Variants in TUT1 observed in about 807,000 individuals in gnomAD.
TUT1 encodes the protein speckle targeted PIP5K1A-regulated poly(A) polymerase.
A neutral mutation model predicts 48.8 loss-of-function variants in TUT1; 26 were observed. That is an observed-to-expected ratio of 0.53 (90% CI 0.39 to 0.74). TUT1 has a LOEUF of 0.74. Ranked by LOEUF, TUT1 falls within the 30% of genes least tolerant of loss-of-function variation. TUT1 has a pLI of 0.00. For synonymous variants in TUT1, 470 were observed against 460.8 expected (o/e 1.02, Z -0.26); for missense variants, 1,065 against 1,114.8 (o/e 0.96, Z 0.64).
rs2134305462 is a variant in TUT1, at chr11:62,578,576, A to G, written c.1145T>C (p.Val382Ala). 6.2e-7 allele frequency: 1 copy of G among 1,601,074 alleles called. No homozygotes were observed. Among genetic ancestry groups the G allele is most frequent in the East Asian group, 2.2e-5 (1 of 44,670 alleles). Residue 382 changes from valine (V) to alanine (A), a missense_variant, in exon 5 of 9, where the codon GTC becomes GCC. Coordinates refer to ENST00000476907, the MANE Select transcript of TUT1 (RefSeq NM_022830.3). ...AGAAAGGTACCGGTTACTGAGGGAG[A>G]CATCACCGTGGAGACCTGAAGGCCG... Reference protein sequence around the residue: ...CHRPSGLHGDVSLSNRLALHN... With the variant: ...CHRPSGLHGDASLSNRLALHN...
At position 62,578,886 on chromosome 11, in the gene TUT1, C is replaced by G; in HGVS notation, c.835G>C (p.Glu279Gln). ...SPQDSEALDF[E>Q]TPSSSLAPQT... Reference sequence around the variant, plus strand: ...GGCGCCAGGGAGGAGGAAGGGGTTTCAAAGTCCAGGGCTTCAGAATCCTGG... The same window carrying G: ...GGCGCCAGGGAGGAGGAAGGGGTTTGAAAGTCCAGGGCTTCAGAATCCTGG... The change falls in exon 5 of 9, where the codon GAA (glutamate) becomes CAA (glutamine). Residue 279 changes from glutamate (E) to glutamine (Q), a missense_variant. Transcript: ENST00000476907. 6.2e-7 allele frequency: 1 copy of G among 1,607,464 alleles called. No individual in the cohort carries two copies. Among genetic ancestry groups the G allele is most frequent in the Non-Finnish European group, 8.5e-7 (1 of 1,176,416 alleles).
intron 5 of TUT1, 37 bp from the exon 6 acceptor site, chr11:62,577,328 G>A: frequency 6.4e-7 from 1 of 1,551,182 alleles, no homozygotes; most frequent in South Asian, 1.1e-5. Flanking sequence ...TAGCGCTTGG[G>A]GATGTCAGAA....
At chr11:62,582,233 A>G (rs1468324127) in intron 2 of TUT1, among the ~76,000 whole-genome samples, 2 of 152,004 alleles carry the variant, frequency 1.3e-5, no homozygotes, top group African/African-American at 4.8e-5. Flanking sequence ...TCGGCCTCCT[A>G]AAGTGCTGGG....
intron 2 of TUT1, among the ~76,000 whole-genome samples, chr11:62,583,389 C>T (rs1160803775): frequency 2.0e-5 from 3 of 152,058 alleles, no homozygotes; most frequent in Non-Finnish European, 4.4e-5. Context: ...GCGGGTGGAT[C>T]ACTTGAGGTC....
At position 62,575,994 on chromosome 11, in the gene TUT1, T is replaced by A; in HGVS notation, c.1725A>T (p.Arg575=). 6.2e-7 allele frequency: 1 copy of A among 1,613,892 alleles called. No homozygotes were observed. Among genetic ancestry groups the A allele is most frequent in the Non-Finnish European group, 8.5e-7 (1 of 1,179,984 alleles). Residue 575 remains arginine, a synonymous_variant, in exon 9 of 9, where the codon CGA becomes CGT. Transcript: ENST00000476907. The part of the protein sequence containing the change: ...NCCRAAANYC[R]SLQYQRRSSR... The stretch of plus-strand genomic sequence containing the variant: ...AGGAACGGCGCTGGTACTGGAGGCT[T>A]CGGCAGTAATTGGCTGCTGCTCGGC...
intron 1 of TUT1, 61 bp from the exon 2 acceptor site, chr11:62,589,282 T>C: frequency 6.6e-7 from 1 of 1,516,830 alleles, no homozygotes; most frequent in Non-Finnish European, 9.0e-7. Flanking sequence ...CTGCCTTTGC[T>C]CTCTGCATAC....
intron 6 of TUT1, 23 bp downstream of exon 6, chr11:62,577,159 A>C: frequency 2.5e-6 from 4 of 1,607,468 alleles, no homozygotes; most frequent in Non-Finnish European, 3.4e-6. Flanking sequence ...CTCAGCCCCA[A>C]GTCTGTCCTG....
chr11:62,575,583 C>T lies in TUT1; in HGVS notation c.2136G>A (p.Gly712=). The change falls in exon 9 of 9, where the codon GGG becomes GGA. Residue 712 remains glycine (G), a synonymous_variant. Coordinates refer to ENST00000476907, the MANE Select transcript of TUT1 (RefSeq NM_022830.3). ...DWAMQSPGQP[G]DLPLTTGKHG... ...GCTTTCCAGTGGTCAGGGGCAGGTC[C>T]CCTGGCTGCCCAGGGCTCTGCATGG... is the stretch of plus-strand genomic sequence containing the variant. 2 of 1,614,106 alleles carry T rather than the reference C, an allele frequency of 1.2e-6. No homozygotes were observed. The highest frequency in any genetic ancestry group is 1.7e-6 in the Non-Finnish European group (2 of 1,180,014).
Position 62,577,000 on chromosome 11 carries a change from T to C in TUT1, c.1288A>G (p.Ser430Gly), listed in dbSNP as rs751805684. The change falls in exon 7 of 9, where the codon AGT becomes GGT. Residue 430 changes from serine (S) to glycine (G), a missense_variant. Physicochemically the swap from Ser to Gly is moderately conservative, Grantham distance 56. Transcript: ENST00000476907. ...RGLSGSGPLLSNYALTLLVIY... is the reference protein window; with the variant it reads ...RGLSGSGPLLGNYALTLLVIY... ...ACCAGCAAGGTCAGGGCGTAGTTAC[T>C]GAGAAGGGGGCCACTCCCTGGGTAA... The C allele has an allele frequency of 6.2e-6, 10 of 1,613,972 alleles. No individual in the cohort carries two copies. The highest frequency in any genetic ancestry group is 5.0e-5 in the Admixed American group (3 of 60,000).
intron 2 of TUT1, among the ~76,000 whole-genome samples, chr11:62,585,401 G>A (rs2134312792): frequency 6.6e-6 from 1 of 152,336 alleles, no homozygotes; most frequent in Non-Finnish European, 1.5e-5. Flanking sequence ...CAGTTTACCA[G>A]ACTGCAGTAC....
At chr11:62,580,386 G>A (rs894941360) in intron 4 of TUT1, among the ~76,000 whole-genome samples, 1 of 151,628 alleles carries the variant, frequency 6.6e-6, no homozygotes, top group Non-Finnish European at 1.5e-5. Context: ...CTTGAACCCA[G>A]GAGGTGGAGG....
chr11:62,586,914 A>G (rs530857029), intron 2 of TUT1, among the ~76,000 whole-genome samples: 89 of 150,256 alleles, frequency 5.9e-4, no homozygotes, highest in African/African-American at 2.1e-3. Flanking sequence ...CATGTTGGCC[A>G]GGCTGGTCTC....
rs768432856 is a variant in TUT1, at chr11:62,577,245, C to G, written c.1207G>C (p.Asp403His). 6 of 1,612,076 alleles carry G rather than the reference C, an allele frequency of 3.7e-6. No individual in the cohort carries two copies. Among genetic ancestry groups the G allele is most frequent in the Non-Finnish European group, 5.1e-6 (6 of 1,179,426 alleles). Residue 403 changes from aspartate to histidine, a missense_variant, in exon 6 of 9, where the codon GAT (aspartate) becomes CAT (histidine). Coordinates refer to ENST00000476907, the MANE Select transcript of TUT1 (RefSeq NM_022830.3). ...SRFLSLCSEL[D>H]GRVRPLVYTL... Reference sequence around the variant, plus strand: ...TACACGAGGGGCCGGACTCGACCATCCAGCTCAGAGCAGAGACTCAGGAAA... The same window carrying G: ...TACACGAGGGGCCGGACTCGACCATGCAGCTCAGAGCAGAGACTCAGGAAA...
In TUT1 at chr11:62,589,168, GTTCTACCAGGTGCCGGTGC is replaced by G; in HGVS notation, c.117_135del (p.Lys39AsnfsTer33). The G allele has an allele frequency of 6.2e-7, 1 of 1,614,250 alleles. No individual in the cohort carries two copies. The highest frequency in any genetic ancestry group is 1.1e-5 in the South Asian group (1 of 91,092). On this transcript the variant is annotated frameshift_variant, in exon 2 of 9. Coordinates refer to ENST00000476907, the MANE Select transcript of TUT1 (RefSeq NM_022830.3). LOFTEE classifies it high-confidence loss of function. ...CCCTGGGCCTTTCTCGCAGCTCGTA[GTTCTACCAGGTGCCGGTGC>G]TTTCTGCCTCCCAAGTGGGCATCAA...
rs1389348533 is a variant in TUT1 at position 62,578,620 on chromosome 11, A to T, written c.1101T>A (p.Pro367=). ...AAGGCCGATGACAGAACTTGACCAC[A>T]GGGCGCCGGGCAGAGGGCACAGTTT... ...RVQTVPSARR[P]VVKFCHRPSG... The change falls in exon 5 of 9, where the codon CCT becomes CCA. Residue 367 remains proline (P), a synonymous_variant. Coordinates refer to ENST00000476907, the MANE Select transcript of TUT1 (RefSeq NM_022830.3). The T allele has an allele frequency of 6.2e-7, 1 of 1,613,898 alleles. No homozygotes were observed. The highest frequency in any genetic ancestry group is 1.7e-5 in the Admixed American group (1 of 59,992).
In TUT1 at chr11:62,581,458, A is replaced by G. The variant is rs1941823652; in HGVS notation, c.517T>C (p.Ser173Pro). 1 of 1,614,100 alleles carries G rather than the reference A, an allele frequency of 6.2e-7. No individual in the cohort carries two copies. Reference protein sequence around the residue: ...MIKLVGLRELSEAERQLRSLV... With the variant: ...MIKLVGLRELPEAERQLRSLV... ...CTGCGAAGCTGCCGCTCGGCCTCGGACAACTCCCTCAGCCCCACAAGCTTT... is the reference window on the plus strand; with the variant it reads ...CTGCGAAGCTGCCGCTCGGCCTCGGGCAACTCCCTCAGCCCCACAAGCTTT... Residue 173 changes from serine to proline, a missense_variant, in exon 3 of 9, where the codon TCC (serine) becomes CCC (proline). By Grantham distance (74) the Ser-to-Pro change is moderately conservative (BLOSUM62 -1). Transcript: ENST00000476907.
chr11:62,584,315 A>G (rs1248243957), intron 2 of TUT1, among the ~76,000 whole-genome samples: 1 of 151,892 alleles, frequency 6.6e-6, no homozygotes, highest in African/African-American at 2.4e-5. Flanking sequence ...TTTAATAGAG[A>G]TGTGGTTTCA....
At chr11:62,585,557 C>T (rs1565268821) in intron 2 of TUT1, among the ~76,000 whole-genome samples, 1 of 152,172 alleles carries the variant, frequency 6.6e-6, no homozygotes, top group East Asian at 1.9e-4. Flanking sequence ...GTCAGCTGGG[C>T]GTGGTAGCTC....
chr11:62,579,015 G>C lies in TUT1; in HGVS notation c.706C>G (p.Pro236Ala). The change falls in exon 5 of 9, where the codon CCA (proline) becomes GCA (alanine). Residue 236 changes from proline to alanine, a missense_variant. By Grantham distance (27) the Pro-to-Ala change is conservative. Transcript: ENST00000476907. Reference sequence around the variant, plus strand: ...GCCGAGTCCAGCGATGGAGATTCTGGAGCCTTTGGGACTGGCTGTGGACAG... The same window carrying C: ...GCCGAGTCCAGCGATGGAGATTCTGCAGCCTTTGGGACTGGCTGTGGACAG... ...LEEPQPVPKA[P>A]ESPSLDSALA... The C allele has an allele frequency of 6.6e-7, 1 of 1,513,206 alleles. No individual in the cohort carries two copies. The highest frequency in any genetic ancestry group is 8.8e-7 in the Non-Finnish European group (1 of 1,131,928). The allele number at this position is 1,513,206 out of a possible 1,614,324, so 93.7% of individuals were successfully genotyped here. A position where few individuals can be genotyped will look rare whatever the true frequency, so the allele number is the denominator to read the frequency against.
Sources: allele counts gnomAD v4.1 joint callset (sites outside exome capture counted in the v4.1 genomes callset), GRCh38; gene constraint gnomAD v4.1.1; transcripts MANE v1.5; gene names NCBI Gene and HGNC (gene_info 2026-07-23, HGNC 2026-07-21).